The following GPC6 variants were observed in gnomAD, a reference collection of about 807,000 sequenced individuals.
The protein encoded by GPC6 is glypican-6.
In GPC6, 14 loss-of-function variants were observed where a neutral mutation model predicts 55.2. The observed-to-expected ratio is 0.25, with a 90% CI of 0.17 to 0.40. The LOEUF is 0.40. Ranked by LOEUF, GPC6 falls within the 10% of genes least tolerant of loss-of-function variation. The probability of loss-of-function intolerance (pLI) is 1.00; values close to 1 mark genes in which losing one functional copy is unlikely to be tolerated. For missense variants in GPC6, 641 were observed against 708.5 expected (o/e 0.90, Z 1.08); for synonymous variants, 278 against 259.6 (o/e 1.07, Z -0.68).
intron 1 of GPC6, among the ~76,000 whole-genome samples, chr13:93,286,428 T>C (rs1342055704): frequency 6.6e-6 from 1 of 152,090 alleles, no homozygotes; most frequent in Non-Finnish European, 1.5e-5. Context: ...GCAGTCCCAA[T>C]GTAATTTGAG....
intron 1 of GPC6, among the ~76,000 whole-genome samples, chr13:93,265,526 T>C (rs1231604473): frequency 6.6e-6 from 1 of 152,192 alleles, no homozygotes; most frequent in East Asian, 1.9e-4. Flanking sequence ...ATGAGGTGTA[T>C]GTGAAACATA....
At chr13:94,311,971 T>A (rs1876271045) in intron 6 of GPC6, among the ~76,000 whole-genome samples, 1 of 152,142 alleles carries the variant, frequency 6.6e-6, no homozygotes, top group South Asian at 2.1e-4. Context: ...TCCAACACAA[T>A]CTCTTGGGAG....
chr13:94,288,619 C>T (rs1385137441), intron 5 of GPC6, among the ~76,000 whole-genome samples: 7 of 149,570 alleles, frequency 4.7e-5, no homozygotes, highest in South Asian at 4.2e-4. Flanking sequence ...ATACTTGTAG[C>T]TCCTCTCTTC....
At chr13:94,024,695 G>A (rs1017047766) in intron 3 of GPC6, among the ~76,000 whole-genome samples, 15 of 151,956 alleles carry the variant, frequency 9.9e-5, no homozygotes, top group African/African-American at 3.4e-4. Flanking sequence ...TTGCTACCCC[G>A]AGTTGGAGAC....
chr13:93,873,999 G>T (rs1313876410), intron 3 of GPC6, among the ~76,000 whole-genome samples: 1 of 151,852 alleles, frequency 6.6e-6, no homozygotes, highest in African/African-American at 2.4e-5. Flanking sequence ...CCTCCTATCT[G>T]GTCTCCCTGC....
intron 2 of GPC6, among the ~76,000 whole-genome samples, chr13:93,558,291 T>C (rs9584129): frequency 0.037 from 5,664 of 152,304 alleles, 354 homozygotes; most frequent in African/African-American, 0.13. Context: ...ACTGTCATAG[T>C]GCTCACTTTC....
At chr13:93,331,371 T>C (rs963029133) in intron 1 of GPC6, among the ~76,000 whole-genome samples, 2 of 152,210 alleles carry the variant, frequency 1.3e-5, no homozygotes, top group African/African-American at 4.8e-5. Flanking sequence ...TTCTATTATA[T>C]TTCTAGATAC....
rs9561548 is a variant in GPC6, at chr13:94,381,822, C to T, written c.1153-592C>T. ...TCCATCCACAGGGCTGTGAATTTTA[C>T]ACTTACCCGTATTTAGAATGACTTC... On this transcript the variant is annotated intron_variant, in intron 6 of 8. Coordinates refer to ENST00000377047, the MANE Select transcript of GPC6 (RefSeq NM_005708.5). Among the ~76,000 whole-genome samples the T allele has an allele frequency of 2.6e-5, 4 of 152,310 alleles. No homozygotes were observed. In the East Asian group the frequency reaches 7.7e-4, roughly 29 times the overall value.
intron 1 of GPC6, among the ~76,000 whole-genome samples, chr13:93,261,808 G>T (rs1191006196): frequency 6.6e-6 from 1 of 152,018 alleles, no homozygotes; most frequent in African/African-American, 2.4e-5. Flanking sequence ...TGTCAACCTG[G>T]TATATAGTGA....
At chr13:93,476,729 C>T (rs1037855350) in intron 1 of GPC6, among the ~76,000 whole-genome samples, 2 of 152,142 alleles carry the variant, frequency 1.3e-5, no homozygotes, top group African/African-American at 4.8e-5. Context: ...GCCCTTAGAA[C>T]TATTTATCCA....
At chr13:93,268,816 C>A (rs1877412235) in intron 1 of GPC6, among the ~76,000 whole-genome samples, 1 of 152,124 alleles carries the variant, frequency 6.6e-6, no homozygotes, top group African/African-American at 2.4e-5. Flanking sequence ...AATCTGCTGA[C>A]CACAAGCCCC....
chr13:93,477,167 T>A (rs1879330805), intron 1 of GPC6, among the ~76,000 whole-genome samples: 2 of 152,074 alleles, frequency 1.3e-5, no homozygotes, highest in Admixed American at 1.3e-4. Context: ...TATATTTAAA[T>A]TTTTTTATTT....
intron 6 of GPC6, among the ~76,000 whole-genome samples, chr13:94,326,551 G>C (rs941568996): frequency 2.9e-4 from 44 of 152,158 alleles, no homozygotes; most frequent in African/African-American, 9.4e-4. Flanking sequence ...TCTTAGAACA[G>C]TTTTAGTTTC....
chr13:94,017,461 C>T (rs765669019), intron 3 of GPC6, among the ~76,000 whole-genome samples: 4 of 152,148 alleles, frequency 2.6e-5, no homozygotes, highest in Non-Finnish European at 4.4e-5. Context: ...TCAGGGAAGT[C>T]CCACTTATAA....
chr13:93,786,894 T>C (rs1885831052), intron 2 of GPC6, among the ~76,000 whole-genome samples: 1 of 152,202 alleles, frequency 6.6e-6, no homozygotes. Flanking sequence ...GCTGAGCCTA[T>C]TATGTCTGCA....
chr13:93,786,918 T>C (rs866105296), intron 2 of GPC6, among the ~76,000 whole-genome samples: 1 of 152,230 alleles, frequency 6.6e-6, no homozygotes, highest in Non-Finnish European at 1.5e-5. Flanking sequence ...CCTCAGATTT[T>C]TACATGGCCT....
intron 2 of GPC6, among the ~76,000 whole-genome samples, chr13:93,641,369 G>C (rs1024181402): frequency 6.6e-6 from 1 of 152,082 alleles, no homozygotes; most frequent in Non-Finnish European, 1.5e-5. Flanking sequence ...GGTGTGGGCT[G>C]TGTTCACTGT....
At chr13:94,048,453 A>C (rs1362561356) in intron 4 of GPC6, among the ~76,000 whole-genome samples, 1 of 152,062 alleles carries the variant, frequency 6.6e-6, no homozygotes, top group Non-Finnish European at 1.5e-5. Flanking sequence ...AAAAATTAAA[A>C]AAAGAGAGAG....
At chr13:93,644,919 A>G (rs777257094) in intron 2 of GPC6, among the ~76,000 whole-genome samples, 35 of 152,174 alleles carry the variant, frequency 2.3e-4, no homozygotes, top group Non-Finnish European at 4.1e-4. Context: ...CACTGATTAA[A>G]CACACAGCCA....
Sources: allele counts gnomAD v4.1 joint callset (sites outside exome capture counted in the v4.1 genomes callset), GRCh38; gene constraint gnomAD v4.1.1; transcripts MANE v1.5; gene names NCBI Gene and HGNC (gene_info 2026-07-23, HGNC 2026-07-21).